Variants in DOCK5 observed in about 807,000 individuals in gnomAD.
The protein encoded by DOCK5 is dedicator of cytokinesis protein 5.
DOCK5 carries 142 observed loss-of-function variants against 251.8 expected under a neutral mutation model. The ratio of observed to expected loss-of-function variants is 0.56; its 90% CI spans 0.49 to 0.65. The LOEUF is 0.65. Among genes scored for constraint, DOCK5 ranks in the 30% least tolerant of loss-of-function variants. The probability of loss-of-function intolerance (pLI) is 0.00; values close to 1 mark genes in which losing one functional copy is unlikely to be tolerated. For missense variants in DOCK5, 2,111 were observed against 2,312.3 expected, an observed-to-expected ratio of 0.91 and a Z score of 1.79; for synonymous variants, 842 against 835.5, an observed-to-expected ratio of 1.01 and a Z score of -0.13.
intron 40 of DOCK5, chr8:25,388,834 G>T: frequency 2.2e-6 from 1 of 445,270 alleles, no homozygotes; most frequent in South Asian, 2.8e-5. Flanking sequence ...TTGCAGACTG[G>T]CCATGGTCCT....
At chr8:25,238,726 T>C (rs576134961) in intron 1 of DOCK5, among the ~76,000 whole-genome samples, 1 of 152,348 alleles carries the variant, frequency 6.6e-6, no homozygotes, top group African/African-American at 2.4e-5. Context: ...AGCAGAAGTG[T>C]GTTTGAGTTT....
chr8:25,258,315 A>G (rs997663827), intron 2 of DOCK5, among the ~76,000 whole-genome samples: 4 of 152,138 alleles, frequency 2.6e-5, no homozygotes, highest in African/African-American at 9.7e-5. Flanking sequence ...GGCAACCAGA[A>G]TAAACCTTCT....
intron 9 of DOCK5, 47 bp downstream of exon 9, chr8:25,300,704 G>A (rs1330477158): frequency 5.3e-6 from 8 of 1,508,864 alleles, no homozygotes; most frequent in African/African-American, 1.4e-5. Context: ...TGTGATATGA[G>A]CATATTCACA....
rs35755771 is a variant in DOCK5 at position 25,229,480 on chromosome 8, CA to C, written c.44-14183del. 5.1e-3 allele frequency among the ~76,000 whole-genome samples: 741 copies of C among 146,606 alleles called. 9 individuals are homozygous for C. The highest frequency in any genetic ancestry group is 0.018 in the African/African-American group (696 of 39,484). ...TGGGCGACAAAGCTAGACTCTGTAT[CA>C]AAAAAAAAAAGTGCAGTTCCGGTGA... On this transcript the variant is annotated intron_variant, in intron 1 of 51. Coordinates refer to ENST00000276440, the MANE Select transcript of DOCK5 (RefSeq NM_024940.8).
chr8:25,287,991 T>C (rs535137515), intron 5 of DOCK5, among the ~76,000 whole-genome samples: 110 of 151,692 alleles, frequency 7.3e-4, no homozygotes, highest in Non-Finnish European at 1.4e-3. Context: ...GTTCAAGCAA[T>C]TCTCCTGCCT....
intron 2 of DOCK5, among the ~76,000 whole-genome samples, chr8:25,265,864 A>G (rs1162735814): frequency 6.6e-6 from 1 of 151,848 alleles, no homozygotes; most frequent in Non-Finnish European, 1.5e-5. Flanking sequence ...TTTAAAGTAA[A>G]TAATTTTGAC....
rs1483704718 is a variant in DOCK5, at chr8:25,184,839, G to C, written c.-70G>C. 19 of 1,245,790 alleles carry C rather than the reference G, an allele frequency of 1.5e-5. No homozygotes were observed. Among genetic ancestry groups the C allele is most frequent in the Non-Finnish European group, 1.9e-5 (19 of 979,568 alleles). The allele number at this position is 1,245,790 out of a possible 1,614,324, so 77.2% of individuals were successfully genotyped here. On this transcript the variant is annotated 5_prime_UTR_variant, in exon 1 of 52. Coordinates refer to ENST00000276440, the MANE Select transcript of DOCK5 (RefSeq NM_024940.8). Reference sequence around the variant, plus strand: ...CGTCTGGGGCACGCAGGAGCGCGGGGCGGCGGCGGCCGGAGCCCGAGGAGC... The same window carrying C: ...CGTCTGGGGCACGCAGGAGCGCGGGCCGGCGGCGGCCGGAGCCCGAGGAGC...
intron 3 of DOCK5, among the ~76,000 whole-genome samples, chr8:25,271,461 A>G (rs1273807840): frequency 6.6e-6 from 1 of 152,216 alleles, no homozygotes; most frequent in Non-Finnish European, 1.5e-5. Flanking sequence ...AGATCAGCTC[A>G]TTAGAAACGC....
intron 6 of DOCK5, among the ~76,000 whole-genome samples, chr8:25,296,062 C>T (rs138618165): frequency 1.4e-4 from 21 of 152,210 alleles, no homozygotes; most frequent in African/African-American, 4.6e-4. Flanking sequence ...TCAAGTAATC[C>T]GCCCACCTCA....
intron 4 of DOCK5, among the ~76,000 whole-genome samples, chr8:25,276,147 G>C (rs576657963): frequency 2.0e-5 from 3 of 152,276 alleles, no homozygotes; most frequent in African/African-American, 7.2e-5. Flanking sequence ...GGATCCTTGA[G>C]AGAGAGATGA....
intron 5 of DOCK5, among the ~76,000 whole-genome samples, chr8:25,282,337 T>C (rs1804215603): frequency 1.3e-5 from 2 of 152,170 alleles, no homozygotes; most frequent in Admixed American, 1.3e-4. Context: ...AACATCAATA[T>C]TATGTTTCAC....
intron 5 of DOCK5, among the ~76,000 whole-genome samples, chr8:25,281,483 T>C (rs938485323): frequency 4.0e-5 from 6 of 150,952 alleles, no homozygotes; most frequent in African/African-American, 1.2e-4. Context: ...TTAGGACTCA[T>C]GTATTTTGGC....
At chr8:25,239,319 ATGTGTGTG>A (rs746237389) in intron 1 of DOCK5, among the ~76,000 whole-genome samples, 3 of 130,980 alleles carry the variant, frequency 2.3e-5, no homozygotes, top group African/African-American at 9.3e-5. Flanking sequence ...GTGCGTGTAT[ATGTGTGTG>A]TGTGTGTGTG....
intron 6 of DOCK5, among the ~76,000 whole-genome samples, chr8:25,294,525 C>T (rs934511041): frequency 6.6e-6 from 1 of 152,146 alleles, no homozygotes; most frequent in Non-Finnish European, 1.5e-5. Context: ...TTTTCTACTT[C>T]TGTGTGCACT....
At chr8:25,231,692 T>C in intron 1 of DOCK5, among the ~76,000 whole-genome samples, 1 of 152,166 alleles carries the variant, frequency 6.6e-6, no homozygotes, top group East Asian at 1.9e-4. Flanking sequence ...TTTCTTGCCT[T>C]ATTGCATTAG....
chr8:25,236,087 T>C (rs1802790775), intron 1 of DOCK5, among the ~76,000 whole-genome samples: 1 of 152,164 alleles, frequency 6.6e-6, no homozygotes, highest in Non-Finnish European at 1.5e-5. Context: ...CATGAGCCAC[T>C]GCACCTGGCC....
At chr8:25,270,753 A>G (rs757145252) in intron 3 of DOCK5, 10 of 704,842 alleles carry the variant, frequency 1.4e-5, no homozygotes, top group South Asian at 6.1e-5. Flanking sequence ...AAAGTATCCT[A>G]TGATTTTTTA....
Position 25,369,772 on chromosome 8 carries a change from C to T in DOCK5, c.3524+131C>T. 5 of 688,392 alleles carry T rather than the reference C, an allele frequency of 7.3e-6. No individual in the cohort carries two copies. The Admixed American group carries it at 1.1e-4, about 15-fold the overall frequency. 42.6% of individuals were successfully genotyped at this position (688,392 alleles called of 1,614,324 possible). ...CTAGGGCCACCCCCACTGTGGTCTT[C>T]AGTATGGTTATGGGGTGTATACTGT... is the stretch of plus-strand genomic sequence containing the variant. On this transcript the variant is annotated intron_variant, in intron 34 of 51. Coordinates refer to ENST00000276440, the MANE Select transcript of DOCK5 (RefSeq NM_024940.8).
intron 1 of DOCK5, among the ~76,000 whole-genome samples, chr8:25,224,747 A>T (rs1372863484): frequency 1.3e-5 from 2 of 152,188 alleles, no homozygotes. Flanking sequence ...GGCAACCCCC[A>T]TGTGTTTTAT....
Sources: allele counts gnomAD v4.1 joint callset (sites outside exome capture counted in the v4.1 genomes callset), GRCh38; gene constraint gnomAD v4.1.1; transcripts MANE v1.5; gene names NCBI Gene and HGNC (gene_info 2026-07-23, HGNC 2026-07-21).